The following MAF variants were observed in gnomAD, a reference collection of about 807,000 sequenced individuals.
The protein encoded by MAF is transcription factor Maf.
In MAF, 10 loss-of-function variants were observed where a neutral mutation model predicts 22.0. That is an observed-to-expected ratio of 0.45 (90% CI 0.28 to 0.77). The LOEUF (loss-of-function observed/expected upper bound fraction) is 0.77, where lower values mean the gene tolerates loss of function less well. MAF is among the 30% of genes least tolerant of loss of function. The pLI, the probability that MAF is intolerant of heterozygous loss-of-function variation, is 0.12. For synonymous variants in MAF, 337 were observed against 255.8 expected, an observed-to-expected ratio of 1.32 and a Z score of -3.03; for missense variants, 544 against 548.4, an observed-to-expected ratio of 0.99 and a Z score of 0.08.
the MAF span, among the ~76,000 whole-genome samples, chr16:79,541,202 C>G: frequency 6.6e-6 from 1 of 152,210 alleles, no homozygotes; most frequent in African/African-American, 2.4e-5. Context: ...GCTGCTTCTT[C>G]AACGACTGCT....
Position 79,599,060 on chromosome 16 carries a change from G to A in MAF, c.843C>T (p.Val281=), listed in dbSNP as rs1017182811. Reference sequence around the variant, plus strand: ...TCAGCCGGATCACCTCCTCCTTGCTGACCCCGCGCAGCTGCCGGTTCAGCT... The same window carrying A: ...TCAGCCGGATCACCTCCTCCTTGCTAACCCCGCGCAGCTGCCGGTTCAGCT... The part of the protein sequence containing the change: ...VRELNRQLRG[V]SKEEVIRLKQ... Residue 281 remains valine (V), a synonymous_variant, in exon 1 of 2, where the codon GTC becomes GTT. Transcript: ENST00000326043. 6.2e-7 allele frequency: 1 copy of A among 1,612,032 alleles called. No homozygotes were observed. Among genetic ancestry groups the A allele is most frequent in the African/African-American group, 1.3e-5 (1 of 74,964 alleles).
At chr16:79,543,362 C>G in the MAF span, among the ~76,000 whole-genome samples, 1 of 152,190 alleles carries the variant, frequency 6.6e-6, no homozygotes, top group Non-Finnish European at 1.5e-5. Context: ...CTCCTTCCCA[C>G]TTATCTCATA....
At chr16:79,313,537 T>C in the MAF span, among the ~76,000 whole-genome samples, 3 of 152,202 alleles carry the variant, frequency 2.0e-5, no homozygotes, top group Non-Finnish European at 2.9e-5. Context: ...ATTTTCATTT[T>C]GTTCTCAAAC....
the MAF span, among the ~76,000 whole-genome samples, chr16:79,346,642 T>C: frequency 6.8e-6 from 1 of 147,632 alleles, no homozygotes; most frequent in East Asian, 2.1e-4. Flanking sequence ...TGAAAGTAAG[T>C]GTTGTGGTGG....
the MAF span, among the ~76,000 whole-genome samples, chr16:79,539,564 T>C: frequency 6.6e-6 from 1 of 152,100 alleles, no homozygotes; most frequent in Admixed American, 6.6e-5. Flanking sequence ...ACTATAACAA[T>C]TTTTCGTGAA....
chr16:79,418,741 T>G, the MAF span, among the ~76,000 whole-genome samples: 7,994 of 152,260 alleles, frequency 0.053, 473 homozygotes, highest in African/African-American at 0.14. Flanking sequence ...TATGACTTAT[T>G]GTCGCTAAGA....
At chr16:79,415,069 C>G in the MAF span, among the ~76,000 whole-genome samples, 2 of 152,218 alleles carry the variant, frequency 1.3e-5, no homozygotes, top group African/African-American at 4.8e-5. Flanking sequence ...CCAGGCTTAA[C>G]CTCAAAGGAC....
At chr16:79,527,203 G>A in the MAF span, among the ~76,000 whole-genome samples, 1 of 152,136 alleles carries the variant, frequency 6.6e-6, no homozygotes, top group South Asian at 2.1e-4. Context: ...GTCCCCTAAA[G>A]TTTCCCCCAA....
the MAF span, among the ~76,000 whole-genome samples, chr16:79,404,441 G>A: frequency 2.6e-5 from 4 of 152,048 alleles, no homozygotes; most frequent in South Asian, 2.1e-4. Context: ...GAATTACTGC[G>A]TGAGCCACCA....
chr16:79,544,580 G>A, the MAF span, among the ~76,000 whole-genome samples: 7 of 151,942 alleles, frequency 4.6e-5, no homozygotes, highest in South Asian at 2.1e-4. Context: ...CGAGACCATC[G>A]TGGATAACAT....
At chr16:79,557,419 T>C in the MAF span, among the ~76,000 whole-genome samples, 1 of 152,000 alleles carries the variant, frequency 6.6e-6, no homozygotes, top group Non-Finnish European at 1.5e-5. Flanking sequence ...GCTCTGGCCA[T>C]GAGCAAGAAG....
the MAF span, among the ~76,000 whole-genome samples, chr16:79,509,852 T>C: frequency 6.6e-6 from 1 of 152,188 alleles, no homozygotes; most frequent in Non-Finnish European, 1.5e-5. Flanking sequence ...CTGTGTCTAC[T>C]GGTGAGAATT....
chr16:79,475,034 G>T, the MAF span, among the ~76,000 whole-genome samples: 1 of 152,194 alleles, frequency 6.6e-6, no homozygotes, highest in Admixed American at 6.5e-5. Flanking sequence ...TAACAGTAAG[G>T]CAGTGCACAC....
chr16:79,468,417 T>C, the MAF span, among the ~76,000 whole-genome samples: 1 of 152,254 alleles, frequency 6.6e-6, no homozygotes, highest in Admixed American at 6.5e-5. Flanking sequence ...GGTGTCCTCA[T>C]GGCAAATGTG....
chr16:79,449,314 G>C, the MAF span, among the ~76,000 whole-genome samples: 1 of 152,202 alleles, frequency 6.6e-6, no homozygotes, highest in Non-Finnish European at 1.5e-5. Context: ...ACTGGTCTGT[G>C]GCCCGAAGGT....
chr16:79,469,635 TG>T, the MAF span, among the ~76,000 whole-genome samples: 12 of 152,190 alleles, frequency 7.9e-5, no homozygotes. Context: ...CTCACTCTGT[TG>T]CCCAGACTGG....
At chr16:79,535,765 G>T in the MAF span, among the ~76,000 whole-genome samples, 1 of 151,600 alleles carries the variant, frequency 6.6e-6, no homozygotes, top group Non-Finnish European at 1.5e-5. Flanking sequence ...GCCCAGCTAA[G>T]AGAAAGGGTT....
At chr16:79,406,125 A>G in the MAF span, among the ~76,000 whole-genome samples, 9 of 148,126 alleles carry the variant, frequency 6.1e-5, no homozygotes, top group African/African-American at 2.3e-4. Flanking sequence ...ATTACTTCCA[A>G]TTGCCCACAG....
the MAF span, among the ~76,000 whole-genome samples, chr16:79,284,912 C>A: frequency 1.3e-5 from 2 of 152,308 alleles, no homozygotes; most frequent in East Asian, 3.9e-4. Context: ...CCCCAGCCAA[C>A]AGTCCAAGCC....
Sources: gnomAD v4.1 joint callset for allele counts (sites outside exome capture counted in the v4.1 genomes callset) on GRCh38, gnomAD v4.1.1 for gene constraint, MANE v1.5 for transcripts, NCBI Gene and HGNC (gene_info 2026-07-23, HGNC 2026-07-21) for gene names.